The following RSRC1 variants were observed in gnomAD, a reference collection of about 807,000 sequenced individuals.
RSRC1 encodes the protein serine/Arginine-related protein 53.
Under a neutral mutation model 49.1 loss-of-function variants are expected in RSRC1, and 39 were observed. That is an observed-to-expected ratio of 0.79 (90% CI 0.61 to 1.04). The LOEUF (loss-of-function observed/expected upper bound fraction) is 1.04. RSRC1 is among the 50% of genes least tolerant of loss of function. The pLI, the probability that RSRC1 is intolerant of heterozygous loss-of-function variation, is 0.00. For missense variants in RSRC1, 388 were observed against 402.4 expected (o/e 0.96, Z 0.31); for synonymous variants, 143 against 130.8 (o/e 1.09, Z -0.63).
At chr3:158,189,536 A>G (rs1488121102) in intron 3 of RSRC1, among the ~76,000 whole-genome samples, 2 of 151,888 alleles carry the variant, frequency 1.3e-5, no homozygotes, top group East Asian at 3.9e-4. Context: ...CTTTATTTTG[A>G]AGTCTACTTT....
chr3:158,130,215 T>G (rs1715924282), intron 3 of RSRC1, among the ~76,000 whole-genome samples: 1 of 152,048 alleles, frequency 6.6e-6, no homozygotes, highest in Admixed American at 6.5e-5. Flanking sequence ...AGGCCATGAA[T>G]CCTGTCATGA....
chr3:158,146,811 G>A (rs1288262773), intron 3 of RSRC1, among the ~76,000 whole-genome samples: 1 of 152,162 alleles, frequency 6.6e-6, no homozygotes, highest in East Asian at 1.9e-4. Flanking sequence ...TTCAGAGCCT[G>A]TTATTGGTCT....
chr3:158,354,265 G>T (rs573432852), intron 5 of RSRC1, among the ~76,000 whole-genome samples: 1 of 151,976 alleles, frequency 6.6e-6, no homozygotes, highest in Admixed American at 6.6e-5. Context: ...CTGGGATTAC[G>T]GGCGTCAGCC....
intron 7 of RSRC1, among the ~76,000 whole-genome samples, chr3:158,482,329 AAT>A (rs749039537): frequency 3.9e-5 from 6 of 152,096 alleles, no homozygotes; most frequent in Non-Finnish European, 7.4e-5. Context: ...TGCATATTTT[AAT>A]ATGATTATGT....
chr3:158,527,875 A>G (rs1404281963), intron 7 of RSRC1, among the ~76,000 whole-genome samples: 1 of 151,990 alleles, frequency 6.6e-6, no homozygotes, highest in Non-Finnish European at 1.5e-5. Flanking sequence ...ACAATAATGC[A>G]TTACATTTTT....
At chr3:158,363,269 CT>C (rs10635870) in intron 6 of RSRC1, among the ~76,000 whole-genome samples, 268 of 141,322 alleles carry the variant, frequency 1.9e-3, no homozygotes, top group Middle Eastern at 3.6e-3. Context: ...CTTTTTTTTT[CT>C]TTTTTTTTTT....
intron 5 of RSRC1, among the ~76,000 whole-genome samples, chr3:158,308,780 C>T (rs950246345): frequency 6.6e-6 from 1 of 151,828 alleles, no homozygotes; most frequent in Non-Finnish European, 1.5e-5. Flanking sequence ...GACATTATCT[C>T]TTGATGATTG....
intron 5 of RSRC1, among the ~76,000 whole-genome samples, chr3:158,337,903 AG>A (rs1426752683): frequency 2.6e-5 from 4 of 152,234 alleles, no homozygotes; most frequent in Admixed American, 6.5e-5. Flanking sequence ...TACATGGAGA[AG>A]GATTACATTT....
At chr3:158,466,873 G>A (rs1203467288) in intron 7 of RSRC1, among the ~76,000 whole-genome samples, 1 of 152,110 alleles carries the variant, frequency 6.6e-6, no homozygotes, top group Non-Finnish European at 1.5e-5. Flanking sequence ...ACTAGCCTGG[G>A]CAATATAGTG....
chr3:158,284,591 G>A (rs1004188913), intron 4 of RSRC1, among the ~76,000 whole-genome samples: 4 of 144,620 alleles, frequency 2.8e-5, no homozygotes, highest in Non-Finnish European at 6.0e-5. Context: ...CATTCTAACT[G>A]GTGTGAGATG....
chr3:158,189,486 G>T (rs769359534), intron 3 of RSRC1, among the ~76,000 whole-genome samples: 1 of 151,760 alleles, frequency 6.6e-6, no homozygotes, highest in Non-Finnish European at 1.5e-5. Context: ...ACACACGTTT[G>T]GGATTACCCT....
chr3:158,190,258 C>G (rs1720159226), intron 3 of RSRC1, among the ~76,000 whole-genome samples: 1 of 151,804 alleles, frequency 6.6e-6, no homozygotes, highest in Non-Finnish European at 1.5e-5. Flanking sequence ...CATGGTGGAC[C>G]CTTTCTACAT....
At chr3:158,385,445 G>C (rs936618676) in intron 6 of RSRC1, among the ~76,000 whole-genome samples, 13 of 152,180 alleles carry the variant, frequency 8.5e-5, no homozygotes, top group Admixed American at 7.2e-4. Context: ...AGGAATCAGA[G>C]AGAACTCATA....
At chr3:158,507,801 G>A (rs1739935042) in intron 7 of RSRC1, among the ~76,000 whole-genome samples, 2 of 152,192 alleles carry the variant, frequency 1.3e-5, no homozygotes, top group Admixed American at 6.5e-5. Context: ...GGCCAGGTAT[G>A]ATGGCTCACT....
chr3:158,342,453 C>T (rs1409683894), intron 5 of RSRC1, among the ~76,000 whole-genome samples: 1 of 152,104 alleles, frequency 6.6e-6, no homozygotes, highest in Non-Finnish European at 1.5e-5. Context: ...CCTCATTTTT[C>T]TCTTGCCACC....
intron 8 of RSRC1, among the ~76,000 whole-genome samples, chr3:158,542,563 A>C (rs550795582): frequency 6.4e-4 from 97 of 152,254 alleles, no homozygotes; most frequent in East Asian, 1.5e-3. Flanking sequence ...AAATGAAAGA[A>C]CCAGTCATGA....
At chr3:158,510,759 C>G (rs1182771765) in intron 7 of RSRC1, among the ~76,000 whole-genome samples, 1 of 152,040 alleles carries the variant, frequency 6.6e-6, no homozygotes, top group Non-Finnish European at 1.5e-5. Flanking sequence ...TCCTTTCTAA[C>G]TGTATTGGAA....
At chr3:158,203,373 A>C (rs1721182925) in intron 4 of RSRC1, 128 bp downstream of exon 4, 3 of 909,644 alleles carry the variant, frequency 3.3e-6, no homozygotes, top group Admixed American at 3.0e-5. Flanking sequence ...ATGGAATAAA[A>C]AGAGAGAATA....
intron 7 of RSRC1, among the ~76,000 whole-genome samples, chr3:158,472,853 C>T (rs1339608589): frequency 6.6e-6 from 1 of 152,154 alleles, no homozygotes; most frequent in Non-Finnish European, 1.5e-5. Flanking sequence ...TTAATTAGAT[C>T]CCATTTGTCA....
Sources: allele counts gnomAD v4.1 joint callset (sites outside exome capture counted in the v4.1 genomes callset), GRCh38; gene constraint gnomAD v4.1.1; transcripts MANE v1.5; gene names NCBI Gene and HGNC (gene_info 2026-07-23, HGNC 2026-07-21).